The following FBXL17 variants were observed in gnomAD, a reference collection of about 807,000 sequenced individuals.
FBXL17 encodes F-box/LRR-repeat protein 17.
Under a neutral mutation model 66.2 loss-of-function variants are expected in FBXL17, and 22 were observed. The ratio of observed to expected loss-of-function variants is 0.33; its 90% CI spans 0.24 to 0.47. The LOEUF (loss-of-function observed/expected upper bound fraction) is 0.47, where lower values mean the gene tolerates loss of function less well. Among genes scored for constraint, FBXL17 ranks in the 20% least tolerant of loss-of-function variants. FBXL17 has a pLI of 1.00. For synonymous variants in FBXL17, 474 were observed against 400.5 expected, an observed-to-expected ratio of 1.18 and a Z score of -2.19; for missense variants, 878 against 948.2, an observed-to-expected ratio of 0.93 and a Z score of 0.97.
chr5:108,091,617 T>G (rs1010862641), intron 6 of FBXL17, among the ~76,000 whole-genome samples: 6 of 152,234 alleles, frequency 3.9e-5, no homozygotes, highest in Non-Finnish European at 8.8e-5. Flanking sequence ...AGTAGGTTGT[T>G]ACATATGTTT....
chr5:108,132,887 T>C (rs1750990926), intron 6 of FBXL17, among the ~76,000 whole-genome samples: 1 of 152,212 alleles, frequency 6.6e-6, no homozygotes, highest in South Asian at 2.1e-4. Flanking sequence ...CATTTGGATG[T>C]TCTGCATCAG....
intron 5 of FBXL17, among the ~76,000 whole-genome samples, chr5:108,215,697 A>AT (rs1561469259): frequency 6.6e-6 from 1 of 152,106 alleles, no homozygotes; most frequent in Non-Finnish European, 1.5e-5. Flanking sequence ...TGAATTTTTA[A>AT]TTGTGATAAA....
intron 7 of FBXL17, among the ~76,000 whole-genome samples, chr5:107,903,074 G>T (rs1749629247): frequency 6.6e-6 from 1 of 152,058 alleles, no homozygotes; most frequent in Non-Finnish European, 1.5e-5. Context: ...AAATCATTTA[G>T]ATTTTGTCTT....
rs191952524 is a variant in FBXL17, at chr5:108,130,275, A to G, written c.1745+55842T>C. ...AATATCCCTTTCATATGCACATGCA[A>G]ACTCTAAATTCTAACCCAAGAAGCA... On this transcript the variant is annotated intron_variant, in intron 6 of 8. Coordinates refer to ENST00000542267, the MANE Select transcript of FBXL17 (RefSeq NM_001163315.3). Among the ~76,000 whole-genome samples, 220 of 152,042 alleles carry G rather than the reference A, an allele frequency of 1.4e-3. 1 individual carries two copies. Among genetic ancestry groups the G allele is most frequent in the Middle Eastern group, 3.4e-3 (1 of 294 alleles).
At chr5:108,361,375 A>G (rs1258674767) in intron 3 of FBXL17, among the ~76,000 whole-genome samples, 1 of 152,124 alleles carries the variant, frequency 6.6e-6, no homozygotes, top group African/African-American at 2.4e-5. Flanking sequence ...GTCTTTGCAG[A>G]CTGGCTCTGT....
intron 6 of FBXL17, among the ~76,000 whole-genome samples, chr5:108,160,453 G>C (rs1416818844): frequency 6.6e-6 from 1 of 152,164 alleles, no homozygotes; most frequent in Non-Finnish European, 1.5e-5. Flanking sequence ...GTGAAACAAA[G>C]AGAAGAAGAA....
intron 6 of FBXL17, among the ~76,000 whole-genome samples, chr5:108,161,943 G>A (rs1280640976): frequency 3.3e-5 from 5 of 152,122 alleles, no homozygotes; most frequent in African/African-American, 9.7e-5. Flanking sequence ...TATGCAAATT[G>A]GAGACCATTA....
intron 7 of FBXL17, among the ~76,000 whole-genome samples, chr5:108,008,011 A>G (rs958656797): frequency 2.0e-5 from 3 of 152,200 alleles, no homozygotes; most frequent in Non-Finnish European, 4.4e-5. Context: ...AATATTGTGG[A>G]AATAAAAGAA....
intron 1 of FBXL17, among the ~76,000 whole-genome samples, chr5:108,369,582 T>C (rs1748896780): frequency 6.6e-6 from 1 of 151,836 alleles, no homozygotes; most frequent in Non-Finnish European, 1.5e-5. Context: ...ATGTATTCCA[T>C]GTCAAAACAC....
At chr5:108,294,210 T>C (rs1041258160) in intron 4 of FBXL17, among the ~76,000 whole-genome samples, 3 of 147,890 alleles carry the variant, frequency 2.0e-5, no homozygotes, top group African/African-American at 7.4e-5. Context: ...TTTGAAAAGA[T>C]ACACTATATA....
At chr5:108,169,671 G>A (rs952548288) in intron 6 of FBXL17, among the ~76,000 whole-genome samples, 1 of 152,132 alleles carries the variant, frequency 6.6e-6, no homozygotes, top group Non-Finnish European at 1.5e-5. Flanking sequence ...AGTGAGTGCT[G>A]CTTTAACTCT....
intron 5 of FBXL17, among the ~76,000 whole-genome samples, 179 bp downstream of exon 5, chr5:108,223,942 T>G (rs186741886): frequency 9.8e-5 from 15 of 152,340 alleles, no homozygotes; most frequent in Admixed American, 3.3e-4. Flanking sequence ...TAAATGAGTA[T>G]TCCATTTCAG....
chr5:107,945,859 T>C (rs1318659949), intron 7 of FBXL17, among the ~76,000 whole-genome samples: 3 of 152,132 alleles, frequency 2.0e-5, no homozygotes, highest in African/African-American at 4.8e-5. Flanking sequence ...TTGTATACTA[T>C]TCTCCATGTT....
intron 6 of FBXL17, among the ~76,000 whole-genome samples, chr5:108,099,588 GGTTCATGTTTGTACAGATTTT>G (rs1161125978): frequency 2.0e-5 from 3 of 152,102 alleles, no homozygotes; most frequent in African/African-American, 7.2e-5. Context: ...GGAAGATGAA[GGTTCATGTTTGTACAGATTTT>G]CCTTGGCCTC....
chr5:107,979,612 C>A (rs931020980), intron 7 of FBXL17, among the ~76,000 whole-genome samples: 4 of 152,228 alleles, frequency 2.6e-5, no homozygotes, highest in Non-Finnish European at 4.4e-5. Flanking sequence ...GGTTCTCTCA[C>A]AAGCCCCCTC....
At chr5:108,019,074 T>C (rs1754487892) in intron 7 of FBXL17, among the ~76,000 whole-genome samples, 1 of 152,192 alleles carries the variant, frequency 6.6e-6, no homozygotes, top group Non-Finnish European at 1.5e-5. Flanking sequence ...AGAAAAATTC[T>C]AAGTGAATCT....
chr5:107,999,590 C>T (rs1580308210), intron 7 of FBXL17, among the ~76,000 whole-genome samples: 1 of 151,146 alleles, frequency 6.6e-6, no homozygotes, highest in Non-Finnish European at 1.5e-5. Flanking sequence ...CATTTAGCTG[C>T]TTCTTGCAAT....
chr5:108,264,711 G>C (rs1242338364), intron 4 of FBXL17, among the ~76,000 whole-genome samples: 1 of 152,108 alleles, frequency 6.6e-6, no homozygotes, highest in Admixed American at 6.5e-5. Flanking sequence ...GTGCAAAGAT[G>C]AGATCAGCTC....
intron 4 of FBXL17, among the ~76,000 whole-genome samples, chr5:108,326,797 T>C (rs1004459290): frequency 1.3e-5 from 2 of 151,836 alleles, no homozygotes; most frequent in Non-Finnish European, 2.9e-5. Context: ...TGGCTAAAAT[T>C]TAAAAATCTA....
Sources: gnomAD v4.1 joint callset for allele counts (sites outside exome capture counted in the v4.1 genomes callset) on GRCh38, gnomAD v4.1.1 for gene constraint, MANE v1.5 for transcripts, NCBI Gene and HGNC (gene_info 2026-07-23, HGNC 2026-07-21) for gene names.